EXOSC9: variants seen among roughly 807,000 people sequenced by gnomAD.
EXOSC9 encodes exosome component 9, also known as exosome complex component RRP45.
Under a neutral mutation model 56.5 loss-of-function variants are expected in EXOSC9, and 38 were observed. The ratio of observed to expected loss-of-function variants is 0.67; its 90% confidence interval spans 0.52 to 0.88. The LOEUF is 0.88. EXOSC9 is among the 40% of genes least tolerant of loss of function. EXOSC9 has a pLI of 0.00. For missense variants in EXOSC9, 559 were observed against 530.5 expected (o/e 1.05, Z -0.53); for synonymous variants, 170 against 170.8 (o/e 0.99, Z 0.04).
At chr4:121,812,432 CT>C (rs1727238670) in intron 8 of EXOSC9, among the ~76,000 whole-genome samples, 1 of 152,108 alleles carries the variant, frequency 6.6e-6, no homozygotes, top group African/African-American at 2.4e-5. Flanking sequence ...GAAAATTGGA[CT>C]TGTTATATTT....
At chr4:121,815,422 A>G in intron 10 of EXOSC9, 1 of 985,126 alleles carries the variant, frequency 1.0e-6, no homozygotes, top group Non-Finnish European at 1.2e-6. Context: ...GGAAAAATGG[A>G]GCAGGTACAG....
intron 4 of EXOSC9, 69 bp downstream of exon 4, chr4:121,803,086 C>A: frequency 9.0e-7 from 1 of 1,105,430 alleles, no homozygotes; most frequent in East Asian, 2.4e-5. Flanking sequence ...GGTATCTATC[C>A]TTTTATTCTC....
In EXOSC9 at chr4:121,810,056, G is replaced by A. The variant is rs2149037385; in HGVS notation, c.695G>A (p.Cys232Tyr). 1 of 1,613,958 alleles carries A rather than the reference G, an allele frequency of 6.2e-7. No individual in the cohort carries two copies. The highest frequency in any genetic ancestry group is 2.2e-5 in the East Asian group (1 of 44,870). The change falls in exon 7 of 12, where the codon TGT becomes TAT. Residue 232 changes from cysteine (C) to tyrosine (Y), a missense_variant. Transcript: ENST00000243498. ...VIAMNKHREI[C>Y]TIQSSGGIML... ...GCCATGAACAAACATCGAGAGATTT[G>A]TACTATCCAGTCCAGTGGTGGGATA...
intron 8 of EXOSC9, 29 bp from the exon 9 acceptor site, chr4:121,813,205 C>T (rs769770928): frequency 5.0e-6 from 8 of 1,585,130 alleles, no homozygotes; most frequent in Non-Finnish European, 6.9e-6. Flanking sequence ...CTCCCCCTTC[C>T]TTCCCACCAA....
At chr4:121,805,709 A>G (rs1042075103) in intron 5 of EXOSC9, among the ~76,000 whole-genome samples, 6 of 152,226 alleles carry the variant, frequency 3.9e-5, no homozygotes, top group African/African-American at 1.4e-4. Flanking sequence ...GTAAAATGGT[A>G]CAGCCATGTT....
At chr4:121,801,673 C>A in intron 1 of EXOSC9, 154 bp from the exon 2 acceptor site, 1 of 781,114 alleles carries the variant, frequency 1.3e-6, no homozygotes, top group Non-Finnish European at 2.2e-6. Flanking sequence ...GTCACCGCAG[C>A]AGTTGTCCAT....
At position 121,816,968 on chromosome 4, in the gene EXOSC9, TA is replaced by T; in HGVS notation, c.*117del. On this transcript the variant is annotated 3_prime_UTR_variant, in exon 12 of 12. Transcript: ENST00000243498. ...TCCATTATAAAATCTAGCAGGATTT[TA>T]AAAATAGTTTTTTGTTTTTAATGTG... The T allele has an allele frequency of 9.0e-7, 1 of 1,115,694 alleles. No individual in the cohort carries two copies. The highest frequency in any genetic ancestry group is 1.2e-6 in the Non-Finnish European group (1 of 824,936). The allele number at this position is 1,115,694 out of a possible 1,614,324, so 69.1% of individuals were successfully genotyped here. A position where few individuals can be genotyped will look rare whatever the true frequency, so the allele number is the denominator to read the frequency against.
chr4:121,804,626 G>C lies in EXOSC9; in HGVS notation c.389G>C (p.Trp130Ser). Residue 130 changes from tryptophan to serine, a missense_variant, in exon 5 of 12, where the codon TGG (tryptophan) becomes TCG (serine). By Grantham distance (177) the Trp-to-Ser change is radical. Coordinates refer to ENST00000243498, the MANE Select transcript of EXOSC9 (RefSeq NM_005033.3). The stretch of plus-strand genomic sequence containing the variant: ...TTATTTTAAATTCACTATCAGGTTT[G>C]GCAAATACGTGTAGACCTACATTTA... ...SLCVVAGEKV[W>S]QIRVDLHLLN... The C allele has an allele frequency of 6.4e-7, 1 of 1,574,370 alleles. No individual in the cohort carries two copies. Among genetic ancestry groups the C allele is most frequent in the East Asian group, 2.3e-5 (1 of 44,252 alleles).
chr4:121,801,912 G>GA lies in EXOSC9; in HGVS notation c.157dup (p.Thr53AsnfsTer10), dbSNP rs1370326125. ...TACGGATGCTGCATTGTGGAACTTG[G>GA]AAAAACAAGGTAACAGGATTTAAAT... is the stretch of plus-strand genomic sequence containing the variant. On this transcript the variant is annotated frameshift_variant, in exon 2 of 12. Coordinates refer to ENST00000243498, the MANE Select transcript of EXOSC9 (RefSeq NM_005033.3). LOFTEE classifies it high-confidence loss of function. The GA allele has an allele frequency of 6.2e-7, 1 of 1,609,272 alleles. No homozygotes were observed. The highest frequency in any genetic ancestry group is 8.5e-7 in the Non-Finnish European group (1 of 1,175,758).
chr4:121,807,780 A>G (rs1012623188), intron 6 of EXOSC9, 158 bp downstream of exon 6: 2 of 614,596 alleles, frequency 3.3e-6, no homozygotes, highest in Non-Finnish European at 5.8e-6. Flanking sequence ...GTTGGCAAAG[A>G]ACTTTCTCAG....
At position 121,801,887 on chromosome 4, in the gene EXOSC9, T is replaced by G. The variant is rs755987255; in HGVS notation, c.127T>G (p.Tyr43Asp). ...CATCAGGATCTCATTTGGAACAGAT[T>G]ACGGATGCTGCATTGTGGAACTTGG... is the stretch of plus-strand genomic sequence containing the variant. Reference protein sequence around the residue: ...RNIRISFGTDYGCCIVELGKT... With the variant: ...RNIRISFGTDDGCCIVELGKT... The change falls in exon 2 of 12, where the codon TAC becomes GAC. Residue 43 changes from tyrosine (Y) to aspartate (D), a missense_variant. By Grantham distance (160) the Tyr-to-Asp change is radical. Transcript: ENST00000243498. The G allele has an allele frequency of 1.4e-5, 23 of 1,613,936 alleles. No homozygotes were observed. The South Asian group carries it at 2.4e-4, about 17-fold the overall frequency.
rs1578494974 is a variant in EXOSC9, at chr4:121,801,467, C to G, written c.43C>G (p.Leu15Val). ...CTCAAACTGCGAACGCCGCTTCCTA[C>G]TCCGTGCCATCGAAGAGAAGAAGGT... is the stretch of plus-strand genomic sequence containing the variant. ...PLSNCERRFL[L>V]RAIEEKKRLD... The change falls in exon 1 of 12, where the codon CTC (leucine) becomes GTC (valine). Residue 15 changes from leucine (L) to valine (V), a missense_variant. Coordinates refer to ENST00000243498, the MANE Select transcript of EXOSC9 (RefSeq NM_005033.3). 6.2e-7 allele frequency: 1 copy of G among 1,614,226 alleles called. No homozygotes were observed. Among genetic ancestry groups the G allele is most frequent in the East Asian group, 2.2e-5 (1 of 44,880 alleles).
Position 121,804,656 on chromosome 4 carries a change from A to G in EXOSC9, c.419A>G (p.Asn140Ser), listed in dbSNP as rs1219237549. ...WQIRVDLHLL[N>S]HDGNIIDAAS... ...ATACGTGTAGACCTACATTTATTAA[A>G]TCATGATGGAAATATTATTGATGCT... Residue 140 changes from asparagine to serine, a missense_variant, in exon 5 of 12, where the codon AAT becomes AGT. Asn to Ser is a conservative substitution (Grantham distance 46). Transcript: ENST00000243498. 2.5e-6 allele frequency: 4 copies of G among 1,606,160 alleles called. No individual in the cohort carries two copies. The highest frequency in any genetic ancestry group is 1.1e-5 in the South Asian group (1 of 90,556).
At position 121,816,438 on chromosome 4, in the gene EXOSC9, A is replaced by G. The variant is rs761508544; in HGVS notation, c.1226A>G (p.Lys409Arg). ...MIILEPDKNP[K>R]KIRTQTTSAK... Reference sequence around the variant, plus strand: ...ATTTTGGAACCAGACAAGAATCCAAAGAAAATAAGGTAACAAATTTCTGGT... The same window carrying G: ...ATTTTGGAACCAGACAAGAATCCAAGGAAAATAAGGTAACAAATTTCTGGT... Residue 409 changes from lysine to arginine, a missense_variant, in exon 11 of 12, where the codon AAG becomes AGG. Coordinates refer to ENST00000243498, the MANE Select transcript of EXOSC9 (RefSeq NM_005033.3). 6.4e-7 allele frequency: 1 copy of G among 1,574,510 alleles called. No individual in the cohort carries two copies. Among genetic ancestry groups the G allele is most frequent in the East Asian group, 2.3e-5 (1 of 43,826 alleles).
rs1346985132 is a variant in EXOSC9, at chr4:121,816,917, A to G, written c.*61A>G. On this transcript the variant is annotated 3_prime_UTR_variant, in exon 12 of 12. Transcript: ENST00000243498. ...AAAGGGATATTTATTCCATTCTGAG[A>G]ACCCTGGGTATTTTTTATTCACAAA... The G allele has an allele frequency of 1.4e-6, 2 of 1,387,540 alleles. No homozygotes were observed. The highest frequency in any genetic ancestry group is 1.9e-6 in the Non-Finnish European group (2 of 1,045,674). The allele number at this position is 1,387,540 out of a possible 1,614,324, so 86.0% of individuals were successfully genotyped here. A position where few individuals can be genotyped will look rare whatever the true frequency, so the allele number is the denominator to read the frequency against.
At chr4:121,813,830 A>C in intron 9 of EXOSC9, 36 bp from the exon 10 acceptor site, 1 of 1,428,874 alleles carries the variant, frequency 7.0e-7, no homozygotes, top group Admixed American at 1.8e-5. Context: ...ATCAAATAGC[A>C]ATATTTTTGT....
chr4:121,816,522 C>G lies in EXOSC9; in HGVS notation c.1235+75C>G. 5 of 987,648 alleles carry G rather than the reference C, an allele frequency of 5.1e-6. No individual in the cohort carries two copies. The East Asian group carries it at 1.3e-4, about 25-fold the overall frequency. The allele number at this position is 987,648 out of a possible 1,614,324, so 61.2% of individuals were successfully genotyped here. On this transcript the variant is annotated intron_variant, in intron 11 of 11. Transcript: ENST00000243498. The stretch of plus-strand genomic sequence containing the variant: ...TAGAGGTTTGCTCTCTGGTTTTACT[C>G]TCATCTTGCCACATGACTATAAACA...
chr4:121,805,297 G>T (rs77250340), intron 5 of EXOSC9, among the ~76,000 whole-genome samples: 3,791 of 152,308 alleles, frequency 0.025, 148 homozygotes, highest in East Asian at 0.19. Flanking sequence ...CTAACTTTGA[G>T]TTCTTAGGTA....
chr4:121,802,350 C>G (rs1035210811), intron 2 of EXOSC9, among the ~76,000 whole-genome samples: 1 of 152,112 alleles, frequency 6.6e-6, no homozygotes, highest in East Asian at 1.9e-4. Context: ...ATGTGAAAAC[C>G]TTTAAGAAAT....
Sources: gnomAD v4.1 joint callset for allele counts (sites outside exome capture counted in the v4.1 genomes callset) on GRCh38, gnomAD v4.1.1 for gene constraint, MANE v1.5 for transcripts, NCBI Gene and HGNC (gene_info 2026-07-23, HGNC 2026-07-21) for gene names.